Variants in SPTB observed in about 807,000 individuals in gnomAD.
SPTB encodes the protein spectrin beta, erythrocytic.
SPTB carries 45 observed loss-of-function variants against 256.2 expected under a neutral mutation model. The observed-to-expected ratio is 0.18, with a 90% confidence interval of 0.14 to 0.23. The LOEUF is 0.23. Ranked by LOEUF, SPTB falls within the 10% of genes least tolerant of loss-of-function variation. The pLI is 1.00. For synonymous variants in SPTB, 1,231 were observed against 1,243.1 expected (o/e 0.99, Z 0.21); for missense variants, 2,715 against 3,040.4 (o/e 0.89, Z 2.52).
At position 64,785,601 on chromosome 14, in the gene SPTB, T is replaced by C. The variant is rs2082549895; in HGVS notation, c.3791A>G (p.Gln1264Arg). 6.2e-7 allele frequency: 1 copy of C among 1,614,154 alleles called. No individual in the cohort carries two copies. The highest frequency in any genetic ancestry group is 8.5e-7 in the Non-Finnish European group (1 of 1,180,020). The stretch of plus-strand genomic sequence containing the variant: ...GTCTCTCAGTAGGACAGAGGCCTCC[T>C]GGGCCTTCTCGTTGTTCTTCCTGTG... ...DRHRKNNEKAQEASVLLRDNL... is the reference protein window; with the variant it reads ...DRHRKNNEKAREASVLLRDNL... Residue 1264 changes from glutamine (Q) to arginine (R), a missense_variant, in exon 18 of 36, where the codon CAG (glutamine) becomes CGG (arginine). Gln to Arg is a conservative substitution (Grantham distance 43). Transcript: ENST00000644917. The surrounding 1 kb of genome is among the most constrained non-coding windows in gnomAD (Gnocchi z 4.4).
At position 64,843,311 on chromosome 14, in the gene SPTB, G is replaced by T. The variant is rs140053705; in HGVS notation, c.-51-20166C>A. Among the ~76,000 whole-genome samples the T allele has an allele frequency of 3.0e-3, 462 of 152,218 alleles. 1 individual carries two copies. The highest frequency in any genetic ancestry group is 8.5e-3 in the African/African-American group (351 of 41,534). On this transcript the variant is annotated intron_variant, in intron 1 of 35. Transcript: ENST00000644917. ...ATCTCTTCTGTGATGCCTGAGACAC[G>T]TCTACAGAAGAGATGCTTGGGGCAG...
intron 32 of SPTB, among the ~76,000 whole-genome samples, chr14:64,765,807 T>G (rs901967755): frequency 1.1e-4 from 15 of 142,446 alleles, no homozygotes; most frequent in South Asian, 2.3e-4. Flanking sequence ...GTGATTGGGG[T>G]GTGTGTGTGT....
In SPTB at chr14:64,775,537, T is replaced by C. The variant is rs934858044; in HGVS notation, c.4564-134A>G. 3 of 1,205,556 alleles carry C rather than the reference T, an allele frequency of 2.5e-6. No individual in the cohort carries two copies. Among genetic ancestry groups the C allele is most frequent in the Admixed American group, 2.7e-5 (1 of 37,376 alleles). 74.7% of individuals were successfully genotyped at this position (1,205,556 alleles called of 1,614,324 possible). On this transcript the variant is annotated intron_variant, in intron 22 of 35. Coordinates refer to ENST00000644917, the MANE Select transcript of SPTB (RefSeq NM_001355436.2). This position sits in a 1 kb window ranked among gnomAD's most constrained non-coding sequence, Gnocchi z 5.0. ...GCTAGAGCAGAGCAGGTGATGGCGA[T>C]AAGAACTACCAATGACCTCTTGCGG...
At position 64,767,749 on chromosome 14, in the gene SPTB, C is replaced by T. The variant is rs1416341754; in HGVS notation, c.6133G>A (p.Glu2045Lys). The T allele has an allele frequency of 6.2e-7, 1 of 1,614,188 alleles. No individual in the cohort carries two copies. Among genetic ancestry groups the T allele is most frequent in the Non-Finnish European group, 8.5e-7 (1 of 1,180,044 alleles). ...GDFGHTVDSV[E>K]KLIKRHEAFE... is the part of the protein sequence containing the mutation. ...GCCTCATGCCTCTTGATGAGCTTCT[C>T]CACACTGTCCACTGTGTGTCCAAAG... Residue 2045 changes from glutamate to lysine, a missense_variant, in exon 30 of 36, where the codon GAG (glutamate) becomes AAG (lysine). Coordinates refer to ENST00000644917, the MANE Select transcript of SPTB (RefSeq NM_001355436.2).
In SPTB at chr14:64,805,262, C is replaced by T. The variant is rs548434626; in HGVS notation, c.149-172G>A. On this transcript the variant is annotated intron_variant, in intron 2 of 35. Transcript: ENST00000644917. ...ATTTGCCATCAAGGTGTAGCAATAC[C>T]GGTCCACATGCCACCAGAACAGAGG... is the stretch of plus-strand genomic sequence containing the variant. 9.9e-5 allele frequency among the ~76,000 whole-genome samples: 15 copies of T among 152,214 alleles called. No individual in the cohort carries two copies. The South Asian group carries it at 2.9e-3, about 29-fold the overall frequency.
intron 28 of SPTB, 111 bp downstream of exon 28, chr14:64,769,474 GCAAGA>G: frequency 7.1e-7 from 1 of 1,402,728 alleles, no homozygotes; most frequent in Middle Eastern, 2.4e-4. Context: ...ATGAGTGAGA[GCAAGA>G]CAAGCTCCTC....
chr14:64,827,653 T>A lies in SPTB; in HGVS notation c.-51-4508A>T, dbSNP rs1289522729. On this transcript the variant is annotated intron_variant, in intron 1 of 35. Coordinates refer to ENST00000644917, the MANE Select transcript of SPTB (RefSeq NM_001355436.2). This position sits in a 1 kb window ranked among gnomAD's most constrained non-coding sequence, Gnocchi z 4.6. ...ACAGGTACCTTAAAGAATAGTCAAA[T>A]ACACAAAAACACATGTGCACACACT... Among the ~76,000 whole-genome samples the A allele has an allele frequency of 6.6e-6, 1 of 152,174 alleles. No homozygotes were observed. The highest frequency in any genetic ancestry group is 1.5e-5 in the Non-Finnish European group (1 of 68,038).
chr14:64,867,779 G>A (rs960347806), intron 1 of SPTB, among the ~76,000 whole-genome samples: 16 of 150,388 alleles, frequency 1.1e-4, no homozygotes, highest in East Asian at 2.0e-4. Flanking sequence ...ACTTGAACCC[G>A]GAAGGTGGAG....
At chr14:64,769,445 G>A (rs1368076289) in intron 28 of SPTB, 145 bp downstream of exon 28, 1 of 1,159,450 alleles carries the variant, frequency 8.6e-7, no homozygotes, top group African/African-American at 1.5e-5. Flanking sequence ...CCCCGGGCCT[G>A]TGTGTAGCCC....
chr14:64,855,812 C>T (rs1396938220), intron 1 of SPTB, among the ~76,000 whole-genome samples: 1 of 152,236 alleles, frequency 6.6e-6, no homozygotes, highest in Admixed American at 6.5e-5. Flanking sequence ...TGCCTCTTCT[C>T]CACCAGATTG....
intron 1 of SPTB, among the ~76,000 whole-genome samples, chr14:64,875,719 A>T (rs996533657): frequency 3.9e-5 from 6 of 151,956 alleles, no homozygotes; most frequent in Non-Finnish European, 7.4e-5. Flanking sequence ...CTTCAAAGAT[A>T]AAATTCTTCT....
chr14:64,872,116 T>C (rs1211989848), intron 1 of SPTB, among the ~76,000 whole-genome samples: 1 of 152,196 alleles, frequency 6.6e-6, no homozygotes, highest in Non-Finnish European at 1.5e-5. Flanking sequence ...GCCAAGACTA[T>C]TCCAAGTCAA....
chr14:64,793,238 A>G lies in SPTB; in HGVS notation c.2425T>C (p.Phe809Leu). The G allele has an allele frequency of 6.2e-7, 1 of 1,609,534 alleles. No homozygotes were observed. Among genetic ancestry groups the G allele is most frequent in the Non-Finnish European group, 8.5e-7 (1 of 1,180,028 alleles). Residue 809 changes from phenylalanine to leucine, a missense_variant, in exon 14 of 36, where the codon TTC becomes CTC. This residue lies in a region of SPTB where 2,239 missense variants were observed against 2,384.4 expected (regional missense o/e 0.94). Transcript: ENST00000644917. This position sits in a 1 kb window ranked among gnomAD's most constrained non-coding sequence, Gnocchi z 7.0. ...GGGGAATCCCGAAACTCTTCGGGGA[A>G]TCCCTGGGCCTGCTGCTCCAGGTGC... ...MEHLEQQAQG[F>L]PEEFRDSPDV...
At chr14:64,768,972 C>G in intron 29 of SPTB, 62 bp downstream of exon 29, 1 of 1,351,916 alleles carries the variant, frequency 7.4e-7, no homozygotes, top group Non-Finnish European at 1.1e-6. Flanking sequence ...GGCACCTCCC[C>G]ATTCCCCTAC....
Position 64,847,521 on chromosome 14 carries a change from A to G in SPTB, c.-51-24376T>C, listed in dbSNP as rs988942136. 6.6e-6 allele frequency among the ~76,000 whole-genome samples: 1 copy of G among 152,110 alleles called. No individual in the cohort carries two copies. Among genetic ancestry groups the G allele is most frequent in the African/African-American group, 2.4e-5 (1 of 41,414 alleles). On this transcript the variant is annotated intron_variant, in intron 1 of 35. Transcript: ENST00000644917. The surrounding 1 kb of genome is among the most constrained non-coding windows in gnomAD (Gnocchi z 5.9). ...TCCCAGGTTGGTGCTAGCTCCTTTC[A>G]AGCTACATTGGCTTTGGATCAGAAC...
chr14:64,805,149 G>C, intron 2 of SPTB, 59 bp from the exon 3 acceptor site: 1 of 1,602,068 alleles, frequency 6.2e-7, no homozygotes, highest in South Asian at 1.1e-5. Context: ...AGTGTGACAT[G>C]GGGCCAAGGG....
rs1206368948 is a variant in SPTB, at chr14:64,854,274, C to CTTTTT, written c.-52+25513_-52+25517dup. 7.0e-4 allele frequency among the ~76,000 whole-genome samples: 51 copies of CTTTTT among 73,284 alleles called. 3 individuals are homozygous for CTTTTT. The highest frequency in any genetic ancestry group is 7.8e-4 in the Non-Finnish European group (33 of 42,116). 48.1% of individuals were successfully genotyped at this position (73,284 alleles called of 152,430 possible). Reference sequence around the variant, plus strand: ...AAAACAGTCAATAGTTTTCCAAACTCTTTTTTTTTTTTTTTTTTTTTTGAG... The same window carrying CTTTTT: ...AAAACAGTCAATAGTTTTCCAAACTCTTTTTTTTTTTTTTTTTTTTTTTTTTTGAG... On this transcript the variant is annotated intron_variant, in intron 1 of 35. Coordinates refer to ENST00000644917, the MANE Select transcript of SPTB (RefSeq NM_001355436.2).
intron 2 of SPTB, among the ~76,000 whole-genome samples, chr14:64,817,310 G>C (rs1361507030): frequency 6.6e-6 from 1 of 152,250 alleles, no homozygotes; most frequent in Non-Finnish European, 1.5e-5. Flanking sequence ...TGACCTCCCA[G>C]AGAAAGCTGC....
In SPTB at chr14:64,764,177, T is replaced by C. The variant is rs2082133056; in HGVS notation, c.6345+2549A>G. Among the ~76,000 whole-genome samples the C allele has an allele frequency of 6.6e-6, 1 of 152,138 alleles. No homozygotes were observed. Among genetic ancestry groups the C allele is most frequent in the African/African-American group, 2.4e-5 (1 of 41,418 alleles). On this transcript the variant is annotated intron_variant, in intron 32 of 35. Coordinates refer to ENST00000644917, the MANE Select transcript of SPTB (RefSeq NM_001355436.2). The surrounding 1 kb of genome is among the most constrained non-coding windows in gnomAD (Gnocchi z 4.2). The stretch of plus-strand genomic sequence containing the variant: ...TGGCCATCCCTTCCTGGGAGAGGCC[T>C]GCGGTTCTGTGAAGGGGTAGTTCCA...
Sources: gnomAD v4.1 joint callset for allele counts (sites outside exome capture counted in the v4.1 genomes callset) on GRCh38, gnomAD v4.1.1 for gene constraint, gnomAD v4.1.1 regional missense constraint, Gnocchi (gnomAD v3.1) non-coding constraint, MANE v1.5 for transcripts, NCBI Gene and HGNC (gene_info 2026-07-23, HGNC 2026-07-21) for gene names.